The following TAFA4 variants were observed in gnomAD, a reference collection of about 807,000 sequenced individuals.
TAFA4 encodes chemokine-like protein TAFA-4.
In TAFA4, 20 loss-of-function variants were observed where a neutral mutation model predicts 21.1. The observed-to-expected ratio is 0.95, with a 90% CI of 0.67 to 1.38. TAFA4 has a LOEUF of 1.38. TAFA4 is among the 40% of genes most tolerant of loss of function. TAFA4 has a pLI of 0.00. For synonymous variants in TAFA4, 71 were observed against 67.4 expected (o/e 1.05, Z -0.26); for missense variants, 211 against 180.9 (o/e 1.17, Z -0.95).
At chr3:68,927,811 T>C (rs1306236330) in intron 1 of TAFA4, among the ~76,000 whole-genome samples, 4 of 151,920 alleles carry the variant, frequency 2.6e-5, no homozygotes, top group African/African-American at 9.7e-5. Flanking sequence ...AGCAGAAGGA[T>C]TGCTTTAGCC....
chr3:68,918,651 T>C (rs2107018446), intron 1 of TAFA4, among the ~76,000 whole-genome samples: 1 of 152,266 alleles, frequency 6.6e-6, no homozygotes, highest in African/African-American at 2.4e-5. Flanking sequence ...AATCCCCCCA[T>C]CTCAGCCACC....
chr3:68,748,913 T>C (rs187413915), intron 4 of TAFA4, among the ~76,000 whole-genome samples: 17 of 152,346 alleles, frequency 1.1e-4, no homozygotes, highest in Admixed American at 1.0e-3. Context: ...ATTTGTCTCA[T>C]TTTATCATAA....
At chr3:68,734,908 C>T (rs1702211722) in intron 5 of TAFA4, among the ~76,000 whole-genome samples, 1 of 152,106 alleles carries the variant, frequency 6.6e-6, no homozygotes, top group African/African-American at 2.4e-5. Context: ...AACTTATTCC[C>T]TATGCCCAGC....
chr3:68,796,511 C>T (rs1327519564), intron 3 of TAFA4, among the ~76,000 whole-genome samples: 2 of 151,986 alleles, frequency 1.3e-5, no homozygotes, highest in Admixed American at 1.3e-4. Context: ...GGATCAAAAA[C>T]CTAAATGTAA....
At chr3:68,845,267 C>T (rs991216229) in intron 3 of TAFA4, among the ~76,000 whole-genome samples, 3 of 151,878 alleles carry the variant, frequency 2.0e-5, no homozygotes, top group Admixed American at 6.6e-5. Context: ...TTATGTAATG[C>T]CCTTGTGTTT....
chr3:68,911,353 C>A (rs1041963366), intron 1 of TAFA4, among the ~76,000 whole-genome samples: 1 of 152,184 alleles, frequency 6.6e-6, no homozygotes, highest in Non-Finnish European at 1.5e-5. Flanking sequence ...ATGTTCTTTT[C>A]CAAGAGATTT....
chr3:68,794,215 G>T (rs1330074955), intron 3 of TAFA4, among the ~76,000 whole-genome samples: 1 of 152,108 alleles, frequency 6.6e-6, no homozygotes, highest in Non-Finnish European at 1.5e-5. Context: ...CCAAGCTAAG[G>T]AAAGACTACT....
At chr3:68,904,032 C>A (rs2089871971) in intron 1 of TAFA4, among the ~76,000 whole-genome samples, 1 of 149,642 alleles carries the variant, frequency 6.7e-6, no homozygotes, top group African/African-American at 2.5e-5. Context: ...ACAAAAGCAC[C>A]AGAAAACTGT....
chr3:68,915,054 T>C (rs1399232252), intron 1 of TAFA4, among the ~76,000 whole-genome samples: 1 of 152,184 alleles, frequency 6.6e-6, no homozygotes, highest in Non-Finnish European at 1.5e-5. Flanking sequence ...TAGCCATTTA[T>C]AGAAAAAGTT....
chr3:68,856,055 T>G (rs910112750), intron 3 of TAFA4, among the ~76,000 whole-genome samples: 9 of 151,984 alleles, frequency 5.9e-5, no homozygotes, highest in African/African-American at 2.2e-4. Flanking sequence ...TCCTTAATAT[T>G]TGTACCAGTT....
intron 3 of TAFA4, among the ~76,000 whole-genome samples, chr3:68,777,892 C>T (rs1703077581): frequency 6.6e-6 from 1 of 152,110 alleles, no homozygotes; most frequent in Non-Finnish European, 1.5e-5. Context: ...AGCAATAGCC[C>T]ATACCATATA....
chr3:68,893,356 C>A (rs1232558865), intron 1 of TAFA4, among the ~76,000 whole-genome samples: 1 of 152,122 alleles, frequency 6.6e-6, no homozygotes, highest in Non-Finnish European at 1.5e-5. Flanking sequence ...TTACTTATAA[C>A]CAGAATGTAA....
chr3:68,736,025 A>C (rs1299538849), intron 5 of TAFA4, among the ~76,000 whole-genome samples: 1 of 152,096 alleles, frequency 6.6e-6, no homozygotes, highest in Non-Finnish European at 1.5e-5. Context: ...GAGAACTGCT[A>C]CTCTAAAGAC....
At position 68,897,758 on chromosome 3, in the gene TAFA4, G is replaced by A. The variant is rs151221623; in HGVS notation, c.-122-12448C>T. ...ATCAACAAGACACCACACACTAACC[G>A]GTCCAAAGTTCAGATTGTCCTAAGA... On this transcript the variant is annotated intron_variant, in intron 1 of 5. Coordinates refer to ENST00000295569, the MANE Select transcript of TAFA4 (RefSeq NM_182522.5). 4.4e-3 allele frequency among the ~76,000 whole-genome samples: 667 copies of A among 151,998 alleles called. 4 individuals carry two copies. The highest frequency in any genetic ancestry group is 0.015 in the African/African-American group (621 of 41,464).
chr3:68,930,089 G>A (rs1014229315), intron 1 of TAFA4, among the ~76,000 whole-genome samples: 1 of 152,178 alleles, frequency 6.6e-6, no homozygotes, highest in Non-Finnish European at 1.5e-5. Context: ...GAAAAGGCTA[G>A]GTACCACTGA....
At chr3:68,774,025 C>G (rs1194878880) in intron 3 of TAFA4, among the ~76,000 whole-genome samples, 1 of 152,100 alleles carries the variant, frequency 6.6e-6, no homozygotes, top group Non-Finnish European at 1.5e-5. Flanking sequence ...ATGGACCTTC[C>G]TTCTTCATCC....
In TAFA4 at chr3:68,848,256, G is replaced by A. The variant is rs539129602; in HGVS notation, c.130+32474C>T. ...CTCCATACTTAAGTAGAACACACAC[G>A]AAATTAACCTGTCCAGCATTTCCTG... On this transcript the variant is annotated intron_variant, in intron 3 of 5. Coordinates refer to ENST00000295569, the MANE Select transcript of TAFA4 (RefSeq NM_182522.5). Among the ~76,000 whole-genome samples, 8 of 152,262 alleles carry A rather than the reference G, an allele frequency of 5.3e-5. No homozygotes were observed. In the South Asian group the frequency reaches 8.3e-4, roughly 16 times the overall value.
intron 3 of TAFA4, among the ~76,000 whole-genome samples, chr3:68,781,401 A>G (rs923629829): frequency 6.6e-6 from 1 of 152,010 alleles, no homozygotes; most frequent in Non-Finnish European, 1.5e-5. Flanking sequence ...CAAGAACAAA[A>G]GAGAAAAAAT....
intron 1 of TAFA4, among the ~76,000 whole-genome samples, chr3:68,918,361 G>T (rs961519438): frequency 6.6e-6 from 1 of 152,110 alleles, no homozygotes; most frequent in African/African-American, 2.4e-5. Context: ...ACTTTTGCTT[G>T]TCCTACCTCC....
Sources: gnomAD v4.1 joint callset for allele counts (sites outside exome capture counted in the v4.1 genomes callset) on GRCh38, gnomAD v4.1.1 for gene constraint, MANE v1.5 for transcripts, NCBI Gene and HGNC (gene_info 2026-07-23, HGNC 2026-07-21) for gene names.